The following TMEM182 variants were observed in gnomAD, a reference collection of about 807,000 sequenced individuals.
The protein encoded by TMEM182 is transmembrane protein 182.
A neutral mutation model predicts 26.8 loss-of-function variants in TMEM182; 20 were observed. The ratio of observed to expected loss-of-function variants is 0.75; its 90% CI spans 0.53 to 1.09. The LOEUF is 1.09. TMEM182 is among the 50% of genes least tolerant of loss of function. The pLI is 0.00. For synonymous variants in TMEM182, 109 were observed against 102.2 expected, an observed-to-expected ratio of 1.07 and a Z score of -0.40; for missense variants, 277 against 275.5, an observed-to-expected ratio of 1.01 and a Z score of -0.04.
chr2:102,756,241 TG>T (rs1321899520), intron 1 of TMEM182, among the ~76,000 whole-genome samples: 1 of 152,236 alleles, frequency 6.6e-6, no homozygotes, highest in East Asian at 1.9e-4. Context: ...TTGTGTTTTT[TG>T]CTTTTTAATT....
intron 3 of TMEM182, among the ~76,000 whole-genome samples, chr2:102,795,926 C>T (rs1681851165): frequency 6.6e-6 from 1 of 152,122 alleles, no homozygotes; most frequent in Non-Finnish European, 1.5e-5. Context: ...CTCCTCTTTG[C>T]ACAATGAGGG....
intron 3 of TMEM182, among the ~76,000 whole-genome samples, chr2:102,793,726 A>G (rs1681744985): frequency 6.6e-6 from 1 of 152,126 alleles, no homozygotes; most frequent in Non-Finnish European, 1.5e-5. Flanking sequence ...TATGATTTTT[A>G]TTGTTGTATT....
chr2:102,807,624 CTT>C (rs1682397078), intron 4 of TMEM182, among the ~76,000 whole-genome samples: 1 of 152,152 alleles, frequency 6.6e-6, no homozygotes. Context: ...AAATATTACT[CTT>C]TAGCAAATGT....
At chr2:102,746,898 A>G (rs1360239325) in intron 1 of TMEM182, among the ~76,000 whole-genome samples, 1 of 152,084 alleles carries the variant, frequency 6.6e-6, no homozygotes, top group Non-Finnish European at 1.5e-5. Context: ...TAATTTTTGT[A>G]TATTTTTTGA....
chr2:102,798,653 A>T (rs1358104693), intron 4 of TMEM182, among the ~76,000 whole-genome samples: 9 of 152,110 alleles, frequency 5.9e-5, no homozygotes, highest in Admixed American at 6.6e-5. Flanking sequence ...AGCCTGGCCA[A>T]CATGGTGAAA....
intron 3 of TMEM182, among the ~76,000 whole-genome samples, chr2:102,783,987 G>A (rs1279481134): frequency 3.3e-5 from 5 of 151,976 alleles, no homozygotes; most frequent in East Asian, 1.9e-4. Context: ...CTGGCTGTTC[G>A]TATGTGGTTC....
At chr2:102,746,702 C>G (rs1230137953) in intron 1 of TMEM182, among the ~76,000 whole-genome samples, 1 of 152,092 alleles carries the variant, frequency 6.6e-6, no homozygotes, top group African/African-American at 2.4e-5. Flanking sequence ...AATTCTCTTG[C>G]CTCAGCCTCT....
chr2:102,828,803 C>T (rs116035139), intron 3 of TMEM182, among the ~76,000 whole-genome samples: 3,324 of 152,176 alleles, frequency 0.022, 60 homozygotes, highest in Non-Finnish European at 0.034. Flanking sequence ...TTGCCCAGGG[C>T]AGGGTCACTT....
In TMEM182 at chr2:102,749,760, C is replaced by T. The variant is rs1679821110; in HGVS notation, c.-82-8629C>T. Reference sequence around the variant, plus strand: ...TCCTGTTCAAGAAAAGATCATTTTCCCTTTGTATGACAATATAAAGTTTCA... The same window carrying T: ...TCCTGTTCAAGAAAAGATCATTTTCTCTTTGTATGACAATATAAAGTTTCA... On this transcript the variant is annotated intron_variant, in intron 1 of 5. Transcript: ENST00000409173. Among the ~76,000 whole-genome samples, 3 of 151,878 alleles carry T rather than the reference C, an allele frequency of 2.0e-5. No homozygotes were observed. In the South Asian group the frequency reaches 6.2e-4, roughly 31 times the overall value.
intron 1 of TMEM182, among the ~76,000 whole-genome samples, chr2:102,753,142 CTGTG>C (rs1679924061): frequency 6.6e-6 from 1 of 152,126 alleles, no homozygotes; most frequent in Non-Finnish European, 1.5e-5. Context: ...AAATGTTTTA[CTGTG>C]TGCTTATTGC....
upstream of TMEM182, among the ~76,000 whole-genome samples, chr2:102,760,234 A>C (rs1573498575): frequency 6.6e-6 from 1 of 152,236 alleles, no homozygotes; most frequent in Non-Finnish European, 1.5e-5. Flanking sequence ...TATAGCTTAG[A>C]CCTCTATATA....
At chr2:102,765,458 A>C (rs1361378556) in intron 3 of TMEM182, among the ~76,000 whole-genome samples, 1 of 152,188 alleles carries the variant, frequency 6.6e-6, no homozygotes, top group Non-Finnish European at 1.5e-5. Context: ...CTCAAAGTCA[A>C]GGGATTATAA....
chr2:102,791,942 A>G (rs1459955234), intron 3 of TMEM182, among the ~76,000 whole-genome samples: 1 of 152,004 alleles, frequency 6.6e-6, no homozygotes, highest in East Asian at 1.9e-4. Context: ...TTGAAACAAT[A>G]TAAATCACTA....
intron 1 of TMEM182, among the ~76,000 whole-genome samples, chr2:102,753,487 C>T (rs1679938510): frequency 6.6e-6 from 1 of 152,054 alleles, no homozygotes; most frequent in Non-Finnish European, 1.5e-5. Flanking sequence ...GGCTATTCGG[C>T]ATCAAATAAT....
chr2:102,771,595 A>G (rs1175283372), intron 3 of TMEM182, among the ~76,000 whole-genome samples: 1 of 152,212 alleles, frequency 6.6e-6, no homozygotes, highest in East Asian at 1.9e-4. Flanking sequence ...ATGAGAGGCA[A>G]TCGCTTTCTG....
At chr2:102,794,038 C>A (rs566792772) in intron 3 of TMEM182, among the ~76,000 whole-genome samples, 1 of 152,064 alleles carries the variant, frequency 6.6e-6, no homozygotes, top group East Asian at 1.9e-4. Flanking sequence ...TGACTGCACT[C>A]CAGCCTGTAT....
intron 1 of TMEM182, among the ~76,000 whole-genome samples, chr2:102,755,450 G>C (rs1248880710): frequency 6.6e-6 from 1 of 152,114 alleles, no homozygotes; most frequent in East Asian, 1.9e-4. Context: ...ATCTTACCAG[G>C]TTCCAAAGTG....
intron 3 of TMEM182, among the ~76,000 whole-genome samples, 180 bp downstream of exon 3, chr2:102,764,607 A>T (rs1680354578): frequency 6.6e-6 from 1 of 152,216 alleles, no homozygotes; most frequent in Non-Finnish European, 1.5e-5. Context: ...TTTAAAGAAC[A>T]TAACTTTGAT....
chr2:102,814,888 G>A lies in TMEM182; in HGVS notation c.610G>A (p.Ala204Thr), dbSNP rs771656879. 5 of 1,613,792 alleles carry A rather than the reference G, an allele frequency of 3.1e-6. No homozygotes were observed. In the East Asian group the frequency reaches 6.7e-5, roughly 22 times the overall value. Residue 204 changes from alanine (A) to threonine (T), a missense_variant, in exon 5 of 5, where the codon GCC becomes ACC. Ala to Thr is a moderately conservative substitution (Grantham distance 58). Coordinates refer to ENST00000412401, the MANE Select transcript of TMEM182 (RefSeq NM_144632.5). ...SVLYGWSFFL[A>T]PAGIFFSLLA... ...TCTGTATGGCTGGTCATTTTTCCTGGCCCCAGCTGGGATATTTTTTTCTTT... is the reference window on the plus strand; with the variant it reads ...TCTGTATGGCTGGTCATTTTTCCTGACCCCAGCTGGGATATTTTTTTCTTT...
Sources: allele counts gnomAD v4.1 joint callset (sites outside exome capture counted in the v4.1 genomes callset), GRCh38; gene constraint gnomAD v4.1.1; transcripts MANE v1.5; gene names NCBI Gene and HGNC (gene_info 2026-07-23, HGNC 2026-07-21).